Variants in COL22A1 observed in about 807,000 individuals in gnomAD.
COL22A1 encodes the protein collagen type XXII alpha 1 chain.
In COL22A1, 221 loss-of-function variants were observed where a neutral mutation model predicts 248.9. The observed-to-expected ratio is 0.89, with a 90% CI of 0.80 to 0.99. The LOEUF is 0.99. Among genes scored for constraint, COL22A1 ranks in the 50% least tolerant of loss-of-function variants. The pLI is 0.00. For synonymous variants in COL22A1, 891 were observed against 793.4 expected, an observed-to-expected ratio of 1.12 and a Z score of -2.07; for missense variants, 2,240 against 2,179.0, an observed-to-expected ratio of 1.03 and a Z score of -0.56.
At chr8:138,716,177 T>G in intron 29 of COL22A1, 50 bp downstream of exon 29, 133 of 1,419,268 alleles carry the variant, frequency 9.4e-5, no homozygotes, top group Middle Eastern at 1.7e-4. Context: ...CTGCTCTCTG[T>G]GGAGATGGGC....
chr8:138,809,791 G>A (rs1402129358), intron 9 of COL22A1, among the ~76,000 whole-genome samples: 2 of 152,002 alleles, frequency 1.3e-5, no homozygotes, highest in African/African-American at 4.8e-5. Flanking sequence ...GTGAGAGGGT[G>A]TATTTCTTTA....
intron 35 of COL22A1, 80 bp from the exon 36 acceptor site, chr8:138,690,954 CATACTCAA>C: frequency 2.6e-6 from 3 of 1,161,806 alleles, no homozygotes; most frequent in Admixed American, 2.3e-5. Flanking sequence ...AAATCTGCCT[CATACTCAA>C]TTCACCGCAA....
intron 15 of COL22A1, among the ~76,000 whole-genome samples, chr8:138,777,059 G>C (rs978015906): frequency 1.3e-5 from 2 of 152,214 alleles, no homozygotes; most frequent in Admixed American, 6.5e-5. Flanking sequence ...AATGGCGCAG[G>C]GTAGGGACCT....
intron 24 of COL22A1, 79 bp from the exon 25 acceptor site, chr8:138,724,747 G>A: frequency 4.9e-6 from 7 of 1,421,284 alleles, no homozygotes; most frequent in East Asian, 2.3e-5. Context: ...TTCCTGGCAT[G>A]GGCCCAGGCC....
chr8:138,806,115 AT>A, intron 10 of COL22A1, among the ~76,000 whole-genome samples: 1 of 54,840 alleles, frequency 1.8e-5, no homozygotes. Context: ...TTTGTGTGTG[AT>A]GGTGTAGGTA....
chr8:138,752,100 T>A (rs972112663), intron 21 of COL22A1, among the ~76,000 whole-genome samples: 1 of 152,158 alleles, frequency 6.6e-6, no homozygotes, highest in African/African-American at 2.4e-5. Flanking sequence ...CCGTTAAACC[T>A]CGGTTATCTC....
At chr8:138,624,039 A>G (rs942638284) in intron 51 of COL22A1, among the ~76,000 whole-genome samples, 6 of 152,064 alleles carry the variant, frequency 3.9e-5, no homozygotes, top group African/African-American at 1.4e-4. Context: ...TAATAGCATT[A>G]TTATTATTAT....
chr8:138,855,516 C>T (rs1385888807), intron 3 of COL22A1, among the ~76,000 whole-genome samples: 2 of 152,176 alleles, frequency 1.3e-5, no homozygotes, highest in Admixed American at 6.5e-5. Flanking sequence ...AGTGGGGCCT[C>T]TTGTGCATCG....
chr8:138,768,391 T>A (rs1307497691), intron 16 of COL22A1, among the ~76,000 whole-genome samples: 1 of 152,138 alleles, frequency 6.6e-6, no homozygotes, highest in Non-Finnish European at 1.5e-5. Context: ...AAAGCCCACC[T>A]TCCATTCTCC....
intron 1 of COL22A1, among the ~76,000 whole-genome samples, chr8:138,899,772 C>T (rs1814409951): frequency 1.3e-5 from 2 of 152,158 alleles, no homozygotes; most frequent in East Asian, 1.9e-4. Context: ...GATCCACCCA[C>T]CTCTGCCTCC....
At chr8:138,728,464 C>T (rs1327794039) in intron 23 of COL22A1, among the ~76,000 whole-genome samples, 2 of 152,108 alleles carry the variant, frequency 1.3e-5, no homozygotes, top group Non-Finnish European at 2.9e-5. Flanking sequence ...CCTTACATGT[C>T]TAAGGATGCC....
chr8:138,899,442 T>C (rs1052445540), intron 1 of COL22A1, among the ~76,000 whole-genome samples: 2 of 152,258 alleles, frequency 1.3e-5, no homozygotes, highest in South Asian at 4.1e-4. Flanking sequence ...CAGTCAGTGC[T>C]GACTGGTTAA....
chr8:138,689,263 C>T (rs190399037), intron 36 of COL22A1, among the ~76,000 whole-genome samples: 180 of 152,080 alleles, frequency 1.2e-3, no homozygotes, highest in Middle Eastern at 6.8e-3. Context: ...TATCAGAAGG[C>T]GTGGCCTGGC....
chr8:138,854,220 A>G (rs1042441389), intron 3 of COL22A1, among the ~76,000 whole-genome samples: 1 of 152,180 alleles, frequency 6.6e-6, no homozygotes, highest in African/African-American at 2.4e-5. Flanking sequence ...GCCTCACTAA[A>G]GAGCAGAGGA....
At chr8:138,907,297 G>C (rs1176828856) in intron 1 of COL22A1, among the ~76,000 whole-genome samples, 1 of 152,224 alleles carries the variant, frequency 6.6e-6, no homozygotes, top group Admixed American at 6.5e-5. Context: ...GCTTGTGGGA[G>C]GGAGCTCTGC....
At chr8:138,678,109 A>C (rs1202496664) in intron 40 of COL22A1, among the ~76,000 whole-genome samples, 2 of 152,194 alleles carry the variant, frequency 1.3e-5, no homozygotes, top group African/African-American at 4.8e-5. Context: ...TGAGTACATA[A>C]GCTATGTATT....
chr8:138,773,802 C>A (rs906702023), intron 16 of COL22A1, among the ~76,000 whole-genome samples: 1 of 152,344 alleles, frequency 6.6e-6, no homozygotes. Context: ...TGACAGCCAG[C>A]GTGTGACCCC....
Position 138,589,338 on chromosome 8 carries a change from G to A in COL22A1, c.4796C>T (p.Pro1599Leu), listed in dbSNP as rs754691503. 1 of 1,611,988 alleles carries A rather than the reference G, an allele frequency of 6.2e-7. No homozygotes were observed. Among genetic ancestry groups the A allele is most frequent in the South Asian group, 1.1e-5 (1 of 90,862 alleles). The stretch of plus-strand genomic sequence containing the variant: ...AGGGTCACATTGGCCTGGGGGACCG[G>A]GAGGTCCTGGGAGGCCAGGATGTCC... The part of the protein sequence containing the change: ...PAGHPGLPGP[P>L]GPPGQCDPSQ... Residue 1599 changes from proline to leucine, a missense_variant, in exon 65 of 65, where the codon CCC (proline) becomes CTC (leucine). Transcript: ENST00000303045.
Position 138,716,439 on chromosome 8 carries a change from C to A in COL22A1, c.2401-150G>T, listed in dbSNP as rs9969523. On this transcript the variant is annotated intron_variant, in intron 28 of 64. Coordinates refer to ENST00000303045, the MANE Select transcript of COL22A1 (RefSeq NM_152888.3). ...ATGGAAAGCAATGCAGTGGAGAAAG[C>A]GGAATTCTAGAGAATTTCGTTCACT... The A allele has an allele frequency of 8.6e-3, 5,386 of 628,342 alleles. 187 individuals carry two copies. Among genetic ancestry groups the A allele is most frequent in the African/African-American group, 0.078 (4,216 of 54,318 alleles). 38.9% of individuals were successfully genotyped at this position (628,342 alleles called of 1,614,324 possible).
Sources: gnomAD v4.1 joint callset for allele counts (sites outside exome capture counted in the v4.1 genomes callset) on GRCh38, gnomAD v4.1.1 for gene constraint, MANE v1.5 for transcripts, NCBI Gene and HGNC (gene_info 2026-07-23, HGNC 2026-07-21) for gene names.